The following GPC6 variants were observed in gnomAD, a reference collection of about 807,000 sequenced individuals.
GPC6 encodes the protein glypican 6.
Under a neutral mutation model 55.2 loss-of-function variants are expected in GPC6, and 14 were observed. The observed-to-expected ratio is 0.25, with a 90% confidence interval of 0.17 to 0.40. The LOEUF (loss-of-function observed/expected upper bound fraction) is 0.40. Among genes scored for constraint, GPC6 ranks in the 10% least tolerant of loss-of-function variants. GPC6 has a pLI of 1.00. For synonymous variants in GPC6, 278 were observed against 259.6 expected (o/e 1.07, Z -0.68); for missense variants, 641 against 708.5 (o/e 0.90, Z 1.08).
chr13:93,252,326 A>G (rs1056412062), intron 1 of GPC6, among the ~76,000 whole-genome samples: 2 of 152,248 alleles, frequency 1.3e-5, no homozygotes, highest in African/African-American at 4.8e-5. Context: ...CAATAACTCA[A>G]ACTATTTTTC....
At chr13:93,758,357 C>G (rs1884847706) in intron 2 of GPC6, among the ~76,000 whole-genome samples, 1 of 152,166 alleles carries the variant, frequency 6.6e-6, no homozygotes, top group Non-Finnish European at 1.5e-5. Flanking sequence ...GGGAGAAAGT[C>G]TCCACCAATG....
intron 3 of GPC6, among the ~76,000 whole-genome samples, chr13:93,946,955 ACT>A (rs777836354): frequency 1.1e-3 from 171 of 152,112 alleles, no homozygotes; most frequent in Non-Finnish European, 2.0e-3. Context: ...TTGTGTTAGC[ACT>A]CTCTAGAAAT....
At chr13:93,918,197 G>A (rs540851082) in intron 3 of GPC6, among the ~76,000 whole-genome samples, 11 of 152,136 alleles carry the variant, frequency 7.2e-5, no homozygotes, top group African/African-American at 1.9e-4. Context: ...GATGGTGGTG[G>A]GTATTTTGTC....
At chr13:93,535,795 A>G (rs1362509010) in intron 1 of GPC6, among the ~76,000 whole-genome samples, 1 of 151,932 alleles carries the variant, frequency 6.6e-6, no homozygotes, top group African/African-American at 2.4e-5. Flanking sequence ...GGAAGAGAAG[A>G]GCTACACTTC....
At chr13:93,735,544 G>T (rs1431297620) in intron 2 of GPC6, among the ~76,000 whole-genome samples, 1 of 151,402 alleles carries the variant, frequency 6.6e-6, no homozygotes, top group Admixed American at 6.6e-5. Context: ...AGAAGAAGAA[G>T]ATGTCCAAGG....
intron 1 of GPC6, among the ~76,000 whole-genome samples, chr13:93,479,377 C>CA (rs922786373): frequency 1.3e-5 from 2 of 152,094 alleles, no homozygotes; most frequent in Admixed American, 1.3e-4. Flanking sequence ...ATAAACATTT[C>CA]AAAATATCCA....
rs1875821251 is a variant in GPC6 at position 93,227,271 on chromosome 13, G to C, written c.-186G>C. On this transcript the variant is annotated 5_prime_UTR_variant, in exon 1 of 9. Transcript: ENST00000377047. This position sits in a 1 kb window ranked among gnomAD's most constrained non-coding sequence, Gnocchi z 4.3. ...TTGTTGGCTTGCCATCGTCCATCTG[G>C]CTTATAAAAGTTTGCTGAGCGCAGT... is the stretch of plus-strand genomic sequence containing the variant. 2 of 539,336 alleles carry C rather than the reference G, an allele frequency of 3.7e-6. No individual in the cohort carries two copies. Among genetic ancestry groups the C allele is most frequent in the South Asian group, 5.4e-5 (2 of 37,292 alleles). The allele number at this position is 539,336 out of a possible 1,614,324, so 33.4% of individuals were successfully genotyped here.
intron 3 of GPC6, among the ~76,000 whole-genome samples, chr13:93,930,550 G>A (rs1165795091): frequency 6.6e-6 from 1 of 151,890 alleles, no homozygotes; most frequent in African/African-American, 2.4e-5. Context: ...GGATTGCAGG[G>A]ATGAGCCATC....
intron 4 of GPC6, among the ~76,000 whole-genome samples, chr13:94,246,290 A>G (rs1370545719): frequency 6.6e-6 from 1 of 151,842 alleles, no homozygotes; most frequent in East Asian, 1.9e-4. Context: ...GTTTGTAAAT[A>G]TTTTTTCTCA....
intron 3 of GPC6, among the ~76,000 whole-genome samples, chr13:93,925,778 G>A (rs1470189255): frequency 6.6e-6 from 1 of 152,144 alleles, no homozygotes; most frequent in Non-Finnish European, 1.5e-5. Flanking sequence ...AATGTCTGGG[G>A]ATGGGCAGAA....
At chr13:93,892,797 T>C (rs767162065) in intron 3 of GPC6, among the ~76,000 whole-genome samples, 1 of 152,188 alleles carries the variant, frequency 6.6e-6, no homozygotes. Flanking sequence ...GAATGAATGA[T>C]GGCTCTGAAA....
chr13:93,405,444 A>G lies in GPC6; in HGVS notation c.161-139819A>G, dbSNP rs143545457. Among the ~76,000 whole-genome samples the G allele has an allele frequency of 3.3e-3, 509 of 152,250 alleles. 9 individuals carry two copies. Among genetic ancestry groups the G allele is most frequent in the African/African-American group, 0.012 (482 of 41,524 alleles). On this transcript the variant is annotated intron_variant, in intron 1 of 8. Coordinates refer to ENST00000377047, the MANE Select transcript of GPC6 (RefSeq NM_005708.5). ...GAGAAATCCTTTCGCCGCTGGAGTC[A>G]TCAGTTCTCTCATCTTTATAATGAA... is the stretch of plus-strand genomic sequence containing the variant.
At chr13:93,965,107 T>C (rs1043939895) in intron 3 of GPC6, among the ~76,000 whole-genome samples, 1 of 12,062 alleles carries the variant, frequency 8.3e-5, no homozygotes, top group Admixed American at 9.7e-4. Flanking sequence ...TATGAGTTTG[T>C]TTTTTTTTTT....
intron 1 of GPC6, among the ~76,000 whole-genome samples, chr13:93,292,651 A>T (rs1878353923): frequency 1.3e-5 from 2 of 152,226 alleles, no homozygotes; most frequent in Admixed American, 6.5e-5. Context: ...TTGTAATACA[A>T]GTAAATCTGC....
At chr13:93,948,790 T>C (rs1879124139) in intron 3 of GPC6, among the ~76,000 whole-genome samples, 1 of 152,244 alleles carries the variant, frequency 6.6e-6, no homozygotes, top group African/African-American at 2.4e-5. Context: ...TTGTGGCATC[T>C]AAGCACCTTT....
chr13:94,323,815 A>C (rs1443100175), intron 6 of GPC6, among the ~76,000 whole-genome samples: 1 of 152,218 alleles, frequency 6.6e-6, no homozygotes, highest in Non-Finnish European at 1.5e-5. Flanking sequence ...GATTTTTTAA[A>C]AGATTTTTCA....
intron 3 of GPC6, among the ~76,000 whole-genome samples, chr13:93,916,143 G>A (rs144960810): frequency 1.3e-5 from 2 of 152,240 alleles, no homozygotes; most frequent in East Asian, 3.9e-4. Flanking sequence ...GTGCAGTGAT[G>A]TGTCATATCC....
chr13:93,231,018 T>C (rs991567076), intron 1 of GPC6, among the ~76,000 whole-genome samples: 7 of 152,080 alleles, frequency 4.6e-5, no homozygotes, highest in African/African-American at 1.7e-4. Context: ...GAATTTACTA[T>C]GTGCCCATCA....
intron 1 of GPC6, among the ~76,000 whole-genome samples, chr13:93,248,141 CA>C: frequency 1.3e-5 from 2 of 152,100 alleles, no homozygotes; most frequent in South Asian, 4.2e-4. Context: ...GCAGTGTATA[CA>C]AAGGTTTCCA....
Sources: allele counts gnomAD v4.1 joint callset (sites outside exome capture counted in the v4.1 genomes callset), GRCh38; gene constraint gnomAD v4.1.1; non-coding constraint Gnocchi (gnomAD v3.1); transcripts MANE v1.5; gene names NCBI Gene and HGNC (gene_info 2026-07-23, HGNC 2026-07-21).